The following MIA3 variants were observed in gnomAD, a reference collection of about 807,000 sequenced individuals.
MIA3 encodes MIA SH3 domain ER export factor 3, also known as transport and Golgi organization protein 1 homolog.
In MIA3, 90 loss-of-function variants were observed where a neutral mutation model predicts 192.4. That is an observed-to-expected ratio of 0.47 (90% CI 0.39 to 0.56). The LOEUF (loss-of-function observed/expected upper bound fraction) is 0.56. MIA3 is among the 20% of genes least tolerant of loss of function. The pLI, the probability that MIA3 is intolerant of heterozygous loss-of-function variation, is 0.00. For missense variants in MIA3, 2,123 were observed against 2,269.4 expected (o/e 0.94, Z 1.31); for synonymous variants, 740 against 792.8 (o/e 0.93, Z 1.12).
At chr1:222,641,847 G>A (rs1354702315) in intron 6 of MIA3, 2 of 502,904 alleles carry the variant, frequency 4.0e-6, no homozygotes, top group Middle Eastern at 3.8e-4. Context: ...TCATCTCTGT[G>A]ATAGTCTTGG....
Position 222,628,919 on chromosome 1 carries a change from A to G in MIA3, c.1699A>G (p.Met567Val), listed in dbSNP as rs377652238. ...TGCACAGAAAGCTGCAGGGAATCAA[A>G]TGAATGACAGAAAGATTCAACAGGA... ...ESAQKAAGNQ[M>V]NDRKIQQESL... Residue 567 changes from methionine (M) to valine (V), a missense_variant, in exon 4 of 28, where the codon ATG (methionine) becomes GTG (valine). By Grantham distance (21) the Met-to-Val change is conservative. Around this residue, in one of 3 missense-constraint regions of MIA3, gnomAD observed 1,357 missense variants for 1,396.1 expected, o/e 0.97. Coordinates refer to ENST00000344922, the MANE Select transcript of MIA3 (RefSeq NM_198551.4). 132 of 1,614,206 alleles carry G rather than the reference A, an allele frequency of 8.2e-5. No homozygotes were observed. In the Middle Eastern group the frequency reaches 1.3e-3, roughly 16 times the overall value.
rs1395038661 is a variant in MIA3, at chr1:222,666,869, T to A, written c.*1250T>A. The A allele has an allele frequency of 1.3e-5, 2 of 152,224 alleles. No homozygotes were observed. The highest frequency in any genetic ancestry group is 2.9e-5 in the Non-Finnish European group (2 of 68,040). 9.4% of individuals were successfully genotyped at this position (152,224 alleles called of 1,614,324 possible). On this transcript the variant is annotated 3_prime_UTR_variant, in exon 28 of 28. Coordinates refer to ENST00000344922, the MANE Select transcript of MIA3 (RefSeq NM_198551.4). ...TTCTTTAAATACTCTACAACGTTTC[T>A]AAGAACGAACTTCAGACATTTTAAT...
At position 222,629,938 on chromosome 1, in the gene MIA3, G is replaced by T. The variant is rs371551867; in HGVS notation, c.2718G>T (p.Trp906Cys). Residue 906 changes from tryptophan (W) to cysteine (C), a missense_variant, in exon 4 of 28, where the codon TGG becomes TGT. By Grantham distance (215) the Trp-to-Cys change is radical. Coordinates refer to ENST00000344922, the MANE Select transcript of MIA3 (RefSeq NM_198551.4). ...AAEPEDDSFH[W>C]TPHTSVEPGH... ...AACCTGAAGATGACTCGTTCCACTG[G>T]ACTCCACATACAAGTGTAGAGCCAG... 5 of 1,614,100 alleles carry T rather than the reference G, an allele frequency of 3.1e-6. No homozygotes were observed. Among genetic ancestry groups the T allele is most frequent in the South Asian group, 1.1e-5 (1 of 91,072 alleles).
intron 26 of MIA3, 142 bp downstream of exon 26, chr1:222,662,474 A>C: frequency 6.7e-7 from 1 of 1,487,922 alleles, no homozygotes; most frequent in Non-Finnish European, 9.0e-7. Flanking sequence ...GTTCTCCAAG[A>C]GCCTGAAGTC....
At position 222,650,854 on chromosome 1, in the gene MIA3, G is replaced by A. The variant is rs772287879; in HGVS notation, c.3860G>A (p.Arg1287His). The A allele has an allele frequency of 6.8e-6, 11 of 1,610,104 alleles. No homozygotes were observed. Among genetic ancestry groups the A allele is most frequent in the East Asian group, 4.5e-5 (2 of 44,726 alleles). ...EILDDTAKNL[R>H]VMLESEREQN... Reference sequence around the variant, plus strand: ...CTGGATGACACAGCTAAAAATCTTCGTGTTATGCTAGAATCTGAGAGAGAA... The same window carrying A: ...CTGGATGACACAGCTAAAAATCTTCATGTTATGCTAGAATCTGAGAGAGAA... Residue 1287 changes from arginine (R) to histidine (H), a missense_variant, in exon 11 of 28, where the codon CGT becomes CAT. Physicochemically the swap from Arg to His is conservative, Grantham distance 29 (BLOSUM62 0). Transcript: ENST00000344922.
At chr1:222,623,390 C>T (rs1380323750) in intron 2 of MIA3, among the ~76,000 whole-genome samples, 1 of 151,890 alleles carries the variant, frequency 6.6e-6, no homozygotes, top group Non-Finnish European at 1.5e-5. Flanking sequence ...TATACCTCTA[C>T]CTCTGATTTG....
In MIA3 at chr1:222,652,114, T is replaced by C. The variant is rs1663471995; in HGVS notation, c.3981+66T>C. On this transcript the variant is annotated intron_variant, in intron 12 of 27. Transcript: ENST00000344922. Reference sequence around the variant, plus strand: ...TCATAGTTTGATTGCAGAGCAAAAATTTGATATATGCTAAAATGTGCAAAA... The same window carrying C: ...TCATAGTTTGATTGCAGAGCAAAAACTTGATATATGCTAAAATGTGCAAAA... 4 of 1,328,510 alleles carry C rather than the reference T, an allele frequency of 3.0e-6. No individual in the cohort carries two copies. In the Admixed American group the frequency reaches 7.4e-5, roughly 25 times the overall value. The allele number at this position is 1,328,510 out of a possible 1,614,324, so 82.3% of individuals were successfully genotyped here.
chr1:222,641,377 AG>A, intron 6 of MIA3: 1 of 377,878 alleles, frequency 2.6e-6, no homozygotes, highest in Non-Finnish European at 5.2e-6. Context: ...GCCATGCCCA[AG>A]GGGTATCCCT....
intron 6 of MIA3, chr1:222,644,378 C>T: frequency 2.6e-6 from 4 of 1,521,404 alleles, no homozygotes; most frequent in African/African-American, 1.4e-5. Context: ...GAGTCCGCCC[C>T]CTGAATTGGG....
At position 222,632,146 on chromosome 1, in the gene MIA3, T is replaced by G. The variant is rs936460777; in HGVS notation, c.3170-19T>G. Reference sequence around the variant, plus strand: ...GTGTCATCAAGCTGTGCTAGCCCAGTGTATTCTTCTCACCCTAGAGATGCA... The same window carrying G: ...GTGTCATCAAGCTGTGCTAGCCCAGGGTATTCTTCTCACCCTAGAGATGCA... On this transcript the variant is annotated intron_variant, in intron 4 of 27. Transcript: ENST00000344922. 1.9e-6 allele frequency: 3 copies of G among 1,612,002 alleles called. No homozygotes were observed. The highest frequency in any genetic ancestry group is 2.2e-5 in the South Asian group (2 of 90,814).
chr1:222,635,422 G>A (rs115979891), intron 6 of MIA3, among the ~76,000 whole-genome samples: 1,891 of 152,294 alleles, frequency 0.012, 22 homozygotes, highest in Middle Eastern at 0.027. Context: ...ATATAAGGGC[G>A]CAGTGTTATA....
At chr1:222,652,181 C>G in intron 12 of MIA3, 47 bp from the exon 13 acceptor site, 1 of 1,517,300 alleles carries the variant, frequency 6.6e-7, no homozygotes, top group Non-Finnish European at 9.1e-7. Flanking sequence ...GTAACTTTTT[C>G]TGGTTTTCTT....
chr1:222,641,943 C>T (rs1662879709), intron 6 of MIA3: 1 of 371,576 alleles, frequency 2.7e-6, no homozygotes, highest in South Asian at 2.1e-5. Flanking sequence ...CATACCCATA[C>T]AATGAAATGC....
At chr1:222,618,287 TG>T in intron 1 of MIA3, 44 bp downstream of exon 1, 3 of 1,342,218 alleles carry the variant, frequency 2.2e-6, no homozygotes, top group Non-Finnish European at 2.9e-6. Flanking sequence ...CGGCTGGCCT[TG>T]GGGTCTCCGC....
chr1:222,648,801 C>G, intron 7 of MIA3, 28 bp from the exon 8 acceptor site: 3 of 1,236,210 alleles, frequency 2.4e-6, no homozygotes, highest in African/African-American at 3.0e-5. Context: ...TGTTTGACAT[C>G]AAATTTAATT....
At position 222,666,946 on chromosome 1, in the gene MIA3, A is replaced by AAAATC. The variant is rs1664320309; in HGVS notation, c.*1329_*1333dup. On this transcript the variant is annotated 3_prime_UTR_variant, in exon 28 of 28. Coordinates refer to ENST00000344922, the MANE Select transcript of MIA3 (RefSeq NM_198551.4). Reference sequence around the variant, plus strand: ...GGAGTTTCAGATCCACACTAAAACTAAAATCATAAAAGGCTGATACTTTTG... The same window carrying AAAATC: ...GGAGTTTCAGATCCACACTAAAACTAAAATCAAATCATAAAAGGCTGATACTTTTG... The AAAATC allele has an allele frequency of 6.6e-6, 1 of 152,210 alleles. No homozygotes were observed. Among genetic ancestry groups the AAAATC allele is most frequent in the Admixed American group, 6.5e-5 (1 of 15,282 alleles). 9.4% of individuals were successfully genotyped at this position (152,210 alleles called of 1,614,324 possible). A position where few individuals can be genotyped will look rare whatever the true frequency, so the allele number is the denominator to read the frequency against.
In MIA3 at chr1:222,654,746, G is replaced by A; in HGVS notation, c.4560G>A (p.Val1520=). The A allele has an allele frequency of 1.2e-6, 2 of 1,614,126 alleles. No homozygotes were observed. The highest frequency in any genetic ancestry group is 1.7e-6 in the Non-Finnish European group (2 of 1,179,988). ...EDECKTLRQK[V]EILNELYQQK... is the part of the protein sequence containing the mutation. The stretch of plus-strand genomic sequence containing the variant: ...AATGCAAAACCTTGAGGCAGAAAGT[G>A]GAGATTCTGAATGAGCTCTATCAGC... Residue 1520 remains valine (V), a synonymous_variant, in exon 18 of 28, where the codon GTG becomes GTA. Transcript: ENST00000344922.
chr1:222,657,045 G>A (rs1367007826), intron 18 of MIA3, among the ~76,000 whole-genome samples: 1 of 152,176 alleles, frequency 6.6e-6, no homozygotes, highest in Admixed American at 6.5e-5. Flanking sequence ...GTCTTGTCTT[G>A]TGGAATGTCT....
At chr1:222,631,028 T>C (rs1463978975) in intron 4 of MIA3, among the ~76,000 whole-genome samples, 1 of 152,200 alleles carries the variant, frequency 6.6e-6, no homozygotes, top group Non-Finnish European at 1.5e-5. Flanking sequence ...CCTTGTTCTA[T>C]TCTCTGCATC....
Sources: gnomAD v4.1 joint callset for allele counts (sites outside exome capture counted in the v4.1 genomes callset) on GRCh38, gnomAD v4.1.1 for gene constraint, gnomAD v4.1.1 regional missense constraint, MANE v1.5 for transcripts, NCBI Gene and HGNC (gene_info 2026-07-23, HGNC 2026-07-21) for gene names.